SGCZ: variants seen among roughly 807,000 people sequenced by gnomAD.
SGCZ encodes the protein zeta-sarcoglycan.
In SGCZ, 40 loss-of-function variants were observed where a neutral mutation model predicts 41.3. The ratio of observed to expected loss-of-function variants is 0.97; its 90% CI spans 0.75 to 1.26. The LOEUF is 1.26. SGCZ is among the 50% of genes most tolerant of loss of function. The pLI, the probability that SGCZ is intolerant of heterozygous loss-of-function variation, is 0.00. For missense variants in SGCZ, 552 were observed against 369.8 expected, an observed-to-expected ratio of 1.49 and a Z score of -4.04; for synonymous variants, 206 against 137.5, an observed-to-expected ratio of 1.50 and a Z score of -3.49.
chr8:14,708,262 C>T (rs17116195), intron 1 of SGCZ, among the ~76,000 whole-genome samples: 3,548 of 151,898 alleles, frequency 0.023, 146 homozygotes, highest in African/African-American at 0.081. Flanking sequence ...AATTTCTTCA[C>T]GTTAGGTATG....
intron 5 of SGCZ, among the ~76,000 whole-genome samples, chr8:14,147,686 T>C (rs568804793): frequency 1.7e-4 from 26 of 152,294 alleles, no homozygotes; most frequent in African/African-American, 6.3e-4. Context: ...ATCTGACTTA[T>C]TCTGCACTAC....
chr8:14,589,282 G>A (rs2117279921), intron 1 of SGCZ, among the ~76,000 whole-genome samples: 1 of 150,528 alleles, frequency 6.6e-6, no homozygotes, highest in East Asian at 2.0e-4. Context: ...GGAGGTGAGT[G>A]TTGCAGTGAG....
chr8:14,463,879 C>T (rs964054092), intron 2 of SGCZ, among the ~76,000 whole-genome samples: 1 of 149,944 alleles, frequency 6.7e-6, no homozygotes, highest in Non-Finnish European at 1.5e-5. Context: ...TTGAGATGAT[C>T]ATGTGTTTTT....
chr8:14,130,894 T>C (rs375735235), intron 5 of SGCZ, among the ~76,000 whole-genome samples: 103 of 152,296 alleles, frequency 6.8e-4, no homozygotes, highest in African/African-American at 2.4e-3. Flanking sequence ...GAGAATCCAG[T>C]TGCATAAAAA....
intron 1 of SGCZ, among the ~76,000 whole-genome samples, chr8:14,558,051 G>C (rs538828656): frequency 6.6e-6 from 1 of 152,148 alleles, no homozygotes; most frequent in South Asian, 2.1e-4. Context: ...TAAGTGCATA[G>C]ACTACAAAAC....
At chr8:14,784,230 T>A (rs928859806) in intron 1 of SGCZ, among the ~76,000 whole-genome samples, 2 of 151,900 alleles carry the variant, frequency 1.3e-5, no homozygotes, top group African/African-American at 4.8e-5. Flanking sequence ...TTTTTTTATT[T>A]TTGTAGAGAC....
chr8:14,279,826 G>A (rs1256901352), intron 3 of SGCZ, among the ~76,000 whole-genome samples: 1 of 149,194 alleles, frequency 6.7e-6, no homozygotes, highest in African/African-American at 2.5e-5. Flanking sequence ...GGATCCTCAT[G>A]CTTCATGCTC....
intron 1 of SGCZ, among the ~76,000 whole-genome samples, chr8:15,111,498 T>C (rs1353061000): frequency 6.6e-6 from 1 of 152,076 alleles, no homozygotes; most frequent in Non-Finnish European, 1.5e-5. Context: ...GGGTAGCCAA[T>C]AGGAATCTCA....
intron 4 of SGCZ, among the ~76,000 whole-genome samples, chr8:14,217,793 C>A (rs1275233433): frequency 6.6e-6 from 1 of 151,824 alleles, no homozygotes; most frequent in Non-Finnish European, 1.5e-5. Flanking sequence ...CCACGCCCAG[C>A]TAATTTTTTG....
intron 1 of SGCZ, among the ~76,000 whole-genome samples, chr8:14,595,667 T>C (rs549387116): frequency 6.6e-6 from 1 of 152,158 alleles, no homozygotes; most frequent in African/African-American, 2.4e-5. Context: ...ATGCTTCACG[T>C]CTAAAACTCT....
At chr8:14,165,221 A>T (rs965328097) in intron 4 of SGCZ, 1 of 152,232 alleles carries the variant, frequency 6.6e-6, no homozygotes, top group Non-Finnish European at 1.5e-5. Flanking sequence ...ACCCTTTAAT[A>T]TAAGTGAATT....
At chr8:14,650,784 G>C (rs34040031) in intron 1 of SGCZ, among the ~76,000 whole-genome samples, 30,085 of 151,776 alleles carry the variant, frequency 0.2, 3,652 homozygotes, top group Non-Finnish European at 0.28. Flanking sequence ...TACCTACTCC[G>C]GCTCGTTCAT....
chr8:15,053,936 C>A (rs1222003957), intron 1 of SGCZ, among the ~76,000 whole-genome samples: 1 of 152,114 alleles, frequency 6.6e-6, no homozygotes, highest in African/African-American at 2.4e-5. Flanking sequence ...TCATGACTGC[C>A]TTATCATCCT....
At chr8:15,088,066 T>G (rs900857722) in intron 1 of SGCZ, among the ~76,000 whole-genome samples, 22 of 152,112 alleles carry the variant, frequency 1.4e-4, no homozygotes, top group Non-Finnish European at 2.9e-4. Context: ...AAATCACCAA[T>G]CATACTGAAT....
chr8:14,993,868 G>A (rs73203322), intron 1 of SGCZ, among the ~76,000 whole-genome samples: 42 of 152,170 alleles, frequency 2.8e-4, no homozygotes, highest in Non-Finnish European at 2.5e-4. Flanking sequence ...GAAGCCATCA[G>A]AGAGCACTTT....
chr8:14,931,083 T>A (rs1360228326), intron 1 of SGCZ, among the ~76,000 whole-genome samples: 3 of 152,094 alleles, frequency 2.0e-5, no homozygotes, highest in African/African-American at 4.8e-5. Flanking sequence ...TTTCTCAGAT[T>A]CCAAATCTGG....
chr8:14,223,273 T>G (rs1806265138), intron 4 of SGCZ, among the ~76,000 whole-genome samples: 1 of 152,176 alleles, frequency 6.6e-6, no homozygotes, highest in African/African-American at 2.4e-5. Context: ...TGCACACTAT[T>G]AAATTTTTCT....
chr8:14,933,431 CT>C (rs11443740), intron 1 of SGCZ, among the ~76,000 whole-genome samples: 67 of 120,400 alleles, frequency 5.6e-4, no homozygotes, highest in East Asian at 1.4e-3. Context: ...CTTTTTTTTT[CT>C]TTTTTTTTTT....
At position 14,583,126 on chromosome 8, in the gene SGCZ, C is replaced by T. The variant is rs1225353075; in HGVS notation, c.40-28200G>A. ...TTGAACTAGTTTACAGTCCCACCAA[C>T]AGTGTAAAAGTGTTCCTATTTCTCC... On this transcript the variant is annotated intron_variant, in intron 1 of 7. Transcript: ENST00000382080. 5.9e-3 allele frequency among the ~76,000 whole-genome samples: 891 copies of T among 150,314 alleles called. 10 individuals are homozygous for T. The highest frequency in any genetic ancestry group is 0.021 in the African/African-American group (847 of 41,126).
Sources: gnomAD v4.1 joint callset for allele counts (sites outside exome capture counted in the v4.1 genomes callset) on GRCh38, gnomAD v4.1.1 for gene constraint, MANE v1.5 for transcripts, NCBI Gene and HGNC (gene_info 2026-07-23, HGNC 2026-07-21) for gene names.